GJC3: variants seen among roughly 807,000 people sequenced by gnomAD.
GJC3 encodes gap junction protein gamma 3.
A neutral mutation model predicts 19.8 loss-of-function variants in GJC3; 17 were observed. The ratio of observed to expected loss-of-function variants is 0.86; its 90% CI spans 0.59 to 1.29. The LOEUF (loss-of-function observed/expected upper bound fraction) is 1.29, where lower values mean the gene tolerates loss of function less well. GJC3 is among the 50% of genes most tolerant of loss of function. The probability of loss-of-function intolerance (pLI) is 0.00; values close to 1 mark genes in which losing one functional copy is unlikely to be tolerated. For synonymous variants in GJC3, 140 were observed against 136.5 expected (o/e 1.03, Z -0.18); for missense variants, 317 against 332.5 (o/e 0.95, Z 0.36).
intron 1 of GJC3, among the ~76,000 whole-genome samples, chr7:99,927,489 A>T (rs2527901): frequency 0.64 from 96,652 of 151,944 alleles, 32,321 homozygotes; most frequent in African/African-American, 0.84. Flanking sequence ...GAAAAAAAAA[A>T]TTTCCTAGCT....
At chr7:99,925,513 T>C (rs952211135) in intron 1 of GJC3, among the ~76,000 whole-genome samples, 1 of 152,104 alleles carries the variant, frequency 6.6e-6, no homozygotes, top group African/African-American at 2.4e-5. Flanking sequence ...ACAAAAATCA[T>C]AAGCAACAAA....
intron 1 of GJC3, among the ~76,000 whole-genome samples, chr7:99,926,072 G>T (rs1307315975): frequency 1.3e-5 from 2 of 152,184 alleles, no homozygotes; most frequent in Non-Finnish European, 2.9e-5. Flanking sequence ...GGTGGCTCAG[G>T]ACTGTTGTTC....
At position 99,929,596 on chromosome 7, in the gene GJC3, G is replaced by T; in HGVS notation, c.25C>A (p.Leu9Met). The T allele has an allele frequency of 1.2e-6, 2 of 1,608,286 alleles. No individual in the cohort carries two copies. The highest frequency in any genetic ancestry group is 1.7e-6 in the Non-Finnish European group (2 of 1,179,204). Residue 9 changes from leucine (L) to methionine (M), a missense_variant, in exon 1 of 2, where the codon CTG (leucine) becomes ATG (methionine). Physicochemically the swap from Leu to Met is conservative, Grantham distance 15. Transcript: ENST00000312891. MCGRFLRR[L>M]LAEESRRSTP... ...GAGCGCCGGCTCTCCTCCGCCAGCA[G>T]CCGCCGCAGGAACCTGCCACACATC...
chr7:99,926,302 C>T (rs950349680), intron 1 of GJC3, among the ~76,000 whole-genome samples: 7 of 151,244 alleles, frequency 4.6e-5, no homozygotes, highest in Non-Finnish European at 1.0e-4. Context: ...CCACTGCACT[C>T]CAGTCTGGGT....
chr7:99,926,249 G>T (rs747920639), intron 1 of GJC3, among the ~76,000 whole-genome samples: 24 of 151,526 alleles, frequency 1.6e-4, no homozygotes, highest in Non-Finnish European at 3.1e-4. Context: ...CAGGAGAATC[G>T]CTTGAACCCA....
rs377131979 is a variant in GJC3, at chr7:99,928,823, G to C, written c.781+17C>G. The stretch of plus-strand genomic sequence containing the variant: ...GACACAAACATCAGTGACAGGAAGA[G>C]AGCGTGTCCTTCTCACCTGCTTCTT... On this transcript the variant is annotated intron_variant, in intron 1 of 1. Transcript: ENST00000312891. The C allele has an allele frequency of 3.1e-6, 5 of 1,612,250 alleles. No homozygotes were observed. Among genetic ancestry groups the C allele is most frequent in the Admixed American group, 3.3e-5 (2 of 60,008 alleles).
intron 1 of GJC3, among the ~76,000 whole-genome samples, chr7:99,928,397 C>T (rs1305282267): frequency 2.0e-5 from 3 of 152,232 alleles, no homozygotes; most frequent in Non-Finnish European, 4.4e-5. Context: ...CTTAGAGATC[C>T]TTCAACAGCC....
Position 99,929,189 on chromosome 7 carries a change from C to T in GJC3, c.432G>A (p.Arg144=). The T allele has an allele frequency of 6.2e-7, 1 of 1,613,996 alleles. No individual in the cohort carries two copies. ...CCAGGGCTGCCCCCTCCAGGACAAG[C>T]CGAGCCCCCAGCTGAGCCACATAAG... ...LWAYVAQLGA[R]LVLEGAALGL... Residue 144 remains arginine (R), a synonymous_variant, in exon 1 of 2, where the codon CGG becomes CGA. Coordinates refer to ENST00000312891, the MANE Select transcript of GJC3 (RefSeq NM_181538.3).
rs775892479 is a variant in GJC3 at position 99,929,425 on chromosome 7, C to T, written c.196G>A (p.Asp66Asn). ...AGCGGGGAGAGGGGGTGGAAGGCAT[C>T]GAAGCAGGCAGCCTTGCAGCCCGGC... ...QQPGCKAACFDAFHPLSPLRF... is the reference protein window; with the variant it reads ...QQPGCKAACFNAFHPLSPLRF... The change falls in exon 1 of 2, where the codon GAT (aspartate) becomes AAT (asparagine). Residue 66 changes from aspartate to asparagine, a missense_variant. Physicochemically the swap from Asp to Asn is conservative, Grantham distance 23 (BLOSUM62 1). Coordinates refer to ENST00000312891, the MANE Select transcript of GJC3 (RefSeq NM_181538.3). The T allele has an allele frequency of 2.5e-6, 4 of 1,613,846 alleles. No homozygotes were observed. The African/African-American group carries it at 5.3e-5, about 22-fold the overall frequency.
intron 1 of GJC3, among the ~76,000 whole-genome samples, chr7:99,926,702 G>A (rs1199320381): frequency 2.6e-5 from 4 of 152,044 alleles, no homozygotes; most frequent in Admixed American, 2.0e-4. Context: ...GAGGGGGTAG[G>A]GTTTTTTTAA....
chr7:99,928,081 A>G (rs1819836922), intron 1 of GJC3, among the ~76,000 whole-genome samples: 3 of 152,224 alleles, frequency 2.0e-5, no homozygotes, highest in African/African-American at 7.2e-5. Flanking sequence ...GGCTTATGAC[A>G]TGTGCTGCAG....
chr7:99,923,954 A>G (rs180976727), intron 1 of GJC3, among the ~76,000 whole-genome samples: 3 of 152,326 alleles, frequency 2.0e-5, no homozygotes, highest in Admixed American at 6.5e-5. Flanking sequence ...ATCTCAACTC[A>G]CGTTGGGAAA....
intron 1 of GJC3, among the ~76,000 whole-genome samples, chr7:99,927,886 A>C (rs1819834389): frequency 6.6e-6 from 1 of 152,232 alleles, no homozygotes; most frequent in South Asian, 2.1e-4. Context: ...CAATTGTAAC[A>C]AGCTGCAACG....
rs774027050 is a variant in GJC3 at position 99,928,969 on chromosome 7, A to G, written c.652T>C (p.Trp218Arg). The change falls in exon 1 of 2, where the codon TGG becomes CGG. Residue 218 changes from tryptophan (W) to arginine (R), a missense_variant. By Grantham distance (101) the Trp-to-Arg change is moderately radical. Transcript: ENST00000312891. ...LELVLLGLGR[W>R]WRTWKHKSSS... The stretch of plus-strand genomic sequence containing the variant: ...GATTTGTGCTTCCAGGTCCTCCACC[A>G]TCTCCCCAAACCCAGAAGCACAAGC... The G allele has an allele frequency of 3.1e-6, 5 of 1,614,094 alleles. No individual in the cohort carries two copies. The Admixed American group carries it at 8.3e-5, about 27-fold the overall frequency.
Position 99,929,145 on chromosome 7 carries a change from T to C in GJC3, c.476A>G (p.Tyr159Cys). ...GAALGLQYHL[Y>C]GFQMPSSFAC... is the part of the protein sequence containing the mutation. ...AAAGGAGCTGGGCATCTGGAACCCA[T>C]ACAGGTGGTACTGCAACCCCAGGGC... Residue 159 changes from tyrosine (Y) to cysteine (C), a missense_variant, in exon 1 of 2, where the codon TAT (tyrosine) becomes TGT (cysteine). Transcript: ENST00000312891. The C allele has an allele frequency of 6.2e-7, 1 of 1,613,738 alleles. No individual in the cohort carries two copies. Among genetic ancestry groups the C allele is most frequent in the Middle Eastern group, 1.6e-4 (1 of 6,062 alleles).
chr7:99,929,139 A>C lies in GJC3; in HGVS notation c.482T>G (p.Phe161Cys). 1 of 1,613,924 alleles carries C rather than the reference A, an allele frequency of 6.2e-7. No homozygotes were observed. The highest frequency in any genetic ancestry group is 8.5e-7 in the Non-Finnish European group (1 of 1,180,022). Reference protein sequence around the residue: ...ALGLQYHLYGFQMPSSFACRR... With the variant: ...ALGLQYHLYGCQMPSSFACRR... ...ACATGCAAAGGAGCTGGGCATCTGG[A>C]ACCCATACAGGTGGTACTGCAACCC... The change falls in exon 1 of 2, where the codon TTC becomes TGC. Residue 161 changes from phenylalanine (F) to cysteine (C), a missense_variant. Physicochemically the swap from Phe to Cys is radical, Grantham distance 205. Transcript: ENST00000312891.
intron 1 of GJC3, among the ~76,000 whole-genome samples, chr7:99,926,725 G>A (rs1254864819): frequency 6.6e-6 from 1 of 152,160 alleles, no homozygotes. Flanking sequence ...TGATGAAAAT[G>A]TTATTAAATT....
intron 1 of GJC3, among the ~76,000 whole-genome samples, chr7:99,926,669 T>A (rs1400600971): frequency 6.6e-6 from 1 of 152,216 alleles, no homozygotes; most frequent in Non-Finnish European, 1.5e-5. Context: ...TTTTGGGTGC[T>A]AATAAGAGTT....
At chr7:99,926,577 T>A (rs1424065547) in intron 1 of GJC3, among the ~76,000 whole-genome samples, 2 of 152,142 alleles carry the variant, frequency 1.3e-5, no homozygotes, top group East Asian at 3.9e-4. Context: ...AAGCCAGACA[T>A]GAAAGACCAC....
Sources: allele counts gnomAD v4.1 joint callset (sites outside exome capture counted in the v4.1 genomes callset), GRCh38; gene constraint gnomAD v4.1.1; transcripts MANE v1.5; gene names NCBI Gene and HGNC (gene_info 2026-07-23, HGNC 2026-07-21).